The following NBEA variants were observed in gnomAD, a reference collection of about 807,000 sequenced individuals.
NBEA encodes the protein neurobeachin, also known as lysosomal-trafficking regulator 2.
Under a neutral mutation model 343.4 loss-of-function variants are expected in NBEA, and 44 were observed. The observed-to-expected ratio is 0.13, with a 90% CI of 0.10 to 0.16. The LOEUF is 0.16. Ranked by LOEUF, NBEA falls within the 10% of genes least tolerant of loss-of-function variation. The probability of loss-of-function intolerance (pLI) is 1.00; values close to 1 mark genes in which losing one functional copy is unlikely to be tolerated. For synonymous variants in NBEA, 1,175 were observed against 1,238.7 expected (o/e 0.95, Z 1.08); for missense variants, 2,555 against 3,631.3 (o/e 0.70, Z 7.62).
At chr13:35,220,198 A>G (rs1180052142) in intron 33 of NBEA, among the ~76,000 whole-genome samples, 1 of 152,194 alleles carries the variant, frequency 6.6e-6, no homozygotes, top group Non-Finnish European at 1.5e-5. Flanking sequence ...GTACATATGT[A>G]TGCATGTGTG....
intron 45 of NBEA, 117 bp from the exon 46 acceptor site, chr13:35,583,781 G>C (rs979452763): frequency 1.8e-4 from 128 of 711,544 alleles, no homozygotes; most frequent in African/African-American, 1.5e-3. Context: ...ACAAAATAAT[G>C]TATTTATGCT....
intron 34 of NBEA, among the ~76,000 whole-genome samples, chr13:35,242,879 T>C (rs866111072): frequency 6.6e-6 from 1 of 152,012 alleles, no homozygotes; most frequent in South Asian, 2.1e-4. Context: ...TTATTACTAC[T>C]AGATCTAACC....
chr13:35,587,466 A>G (rs2081340589), intron 46 of NBEA, among the ~76,000 whole-genome samples: 1 of 152,128 alleles, frequency 6.6e-6, no homozygotes, highest in Admixed American at 6.5e-5. Context: ...TTAGTGAGCC[A>G]CCACCATGGA....
intron 6 of NBEA, among the ~76,000 whole-genome samples, chr13:35,051,272 C>A (rs928025167): frequency 6.6e-6 from 1 of 151,972 alleles, no homozygotes; most frequent in African/African-American, 2.4e-5. Context: ...ACTGCCTCCT[C>A]CTAACAGAAA....
intron 30 of NBEA, among the ~76,000 whole-genome samples, chr13:35,187,332 T>A (rs1005225444): frequency 2.2e-4 from 33 of 151,818 alleles, no homozygotes; most frequent in African/African-American, 8.0e-4. Context: ...TCAAATCCCT[T>A]CTTGAAGTAT....
At chr13:35,284,595 A>G (rs2035296168) in intron 34 of NBEA, among the ~76,000 whole-genome samples, 1 of 152,196 alleles carries the variant, frequency 6.6e-6, no homozygotes, top group Admixed American at 6.5e-5. Flanking sequence ...ACATCTTAAT[A>G]TTAATTTTAG....
intron 40 of NBEA, among the ~76,000 whole-genome samples, chr13:35,456,020 G>A (rs1238775887): frequency 6.6e-6 from 1 of 151,950 alleles, no homozygotes; most frequent in African/African-American, 2.4e-5. Context: ...TACATTAGAA[G>A]TATATGAATA....
At chr13:35,417,721 G>C (rs1323375556) in intron 38 of NBEA, among the ~76,000 whole-genome samples, 1 of 152,146 alleles carries the variant, frequency 6.6e-6, no homozygotes, top group Non-Finnish European at 1.5e-5. Flanking sequence ...TGTTGATGTG[G>C]GGTGGAGGTT....
In NBEA at chr13:35,668,576, C is replaced by T. The variant is rs542723124; in HGVS notation, c.8813+57C>T. 29 of 1,474,844 alleles carry T rather than the reference C, an allele frequency of 2.0e-5. No homozygotes were observed. The East Asian group carries it at 6.3e-4, about 32-fold the overall frequency. 91.4% of individuals were successfully genotyped at this position (1,474,844 alleles called of 1,614,324 possible). ...GAGAACTGTCATTGAAGGCTCTCTTCATTCTACCAAGGGTGAATTGTGCTG... is the reference window on the plus strand; with the variant it reads ...GAGAACTGTCATTGAAGGCTCTCTTTATTCTACCAAGGGTGAATTGTGCTG... On this transcript the variant is annotated intron_variant, in intron 58 of 58. Coordinates refer to ENST00000379939, the MANE Select transcript of NBEA (RefSeq NM_001385012.1).
At chr13:35,601,428 A>G (rs927437034) in intron 47 of NBEA, among the ~76,000 whole-genome samples, 1 of 152,186 alleles carries the variant, frequency 6.6e-6, no homozygotes. Context: ...GAAAATAATC[A>G]TTGCTATGCA....
At chr13:35,512,986 G>T (rs552378365) in intron 41 of NBEA, among the ~76,000 whole-genome samples, 23 of 152,188 alleles carry the variant, frequency 1.5e-4, no homozygotes, top group African/African-American at 4.6e-4. Context: ...TAAGGTTATT[G>T]TTGAAGACAT....
intron 41 of NBEA, among the ~76,000 whole-genome samples, chr13:35,509,778 C>G (rs142075236): frequency 1.3e-5 from 2 of 152,080 alleles, no homozygotes; most frequent in Non-Finnish European, 2.9e-5. Flanking sequence ...ATGGACTGAC[C>G]GGCGAACAGT....
At chr13:35,293,914 G>C (rs973745881) in intron 35 of NBEA, among the ~76,000 whole-genome samples, 2 of 151,956 alleles carry the variant, frequency 1.3e-5, no homozygotes. Context: ...TATAAATTGA[G>C]AAACTGTACA....
At chr13:35,092,934 A>G (rs940692763) in intron 10 of NBEA, among the ~76,000 whole-genome samples, 9 of 152,168 alleles carry the variant, frequency 5.9e-5, no homozygotes, top group East Asian at 1.9e-4. Context: ...TTGCTATTCT[A>G]CAACCCAAAT....
At chr13:34,978,118 T>C (rs1159875291) in intron 1 of NBEA, among the ~76,000 whole-genome samples, 4 of 152,250 alleles carry the variant, frequency 2.6e-5, no homozygotes. Context: ...AAAGTTATTC[T>C]TTAATCAATC....
rs1223149320 is a variant in NBEA at position 35,041,172 on chromosome 13, G to T, written c.526+8G>T. The T allele has an allele frequency of 4.4e-6, 7 of 1,602,468 alleles. No individual in the cohort carries two copies. Among genetic ancestry groups the T allele is most frequent in the Non-Finnish European group, 6.0e-6 (7 of 1,171,990 alleles). The stretch of plus-strand genomic sequence containing the variant: ...TAGATGACATGATAGCAGGTATGGG[G>T]TTGTCTGACAGGAAAGTATAACTTA... On this transcript the variant is annotated splice_region_variant and intron_variant, in intron 2 of 58. Transcript: ENST00000379939.
intron 41 of NBEA, chr13:35,474,901 G>T: frequency 1.1e-6 from 1 of 910,748 alleles, no homozygotes; most frequent in Non-Finnish European, 1.6e-6. Flanking sequence ...CCCCTTGTGG[G>T]GGTGGGTGAG....
intron 23 of NBEA, among the ~76,000 whole-genome samples, chr13:35,163,679 C>T (rs1461040966): frequency 2.0e-5 from 3 of 151,200 alleles, no homozygotes; most frequent in South Asian, 2.1e-4. Context: ...ATTTTTTTGA[C>T]ATCTACATTG....
At chr13:35,292,266 A>G (rs1029758930) in intron 35 of NBEA, among the ~76,000 whole-genome samples, 1 of 151,984 alleles carries the variant, frequency 6.6e-6, no homozygotes, top group Non-Finnish European at 1.5e-5. Flanking sequence ...CATACCAAAA[A>G]ATGGACATGT....
Sources: gnomAD v4.1 joint callset for allele counts (sites outside exome capture counted in the v4.1 genomes callset) on GRCh38, gnomAD v4.1.1 for gene constraint, MANE v1.5 for transcripts, NCBI Gene and HGNC (gene_info 2026-07-23, HGNC 2026-07-21) for gene names.